The following SP5 variants were observed in gnomAD, a reference collection of about 807,000 sequenced individuals.
SP5 encodes the protein Sp5 transcription factor.
In SP5, 12 loss-of-function variants were observed where a neutral mutation model predicts 27.4. The ratio of observed to expected loss-of-function variants is 0.44; its 90% CI spans 0.28 to 0.71. The LOEUF is 0.71. SP5 is among the 30% of genes least tolerant of loss of function. The pLI is 0.15. For synonymous variants in SP5, 330 were observed against 290.7 expected (o/e 1.14, Z -1.38); for missense variants, 660 against 589.8 (o/e 1.12, Z -1.23).
chr2:170,715,590 G>A (rs755918246), intron 1 of SP5, 27 bp downstream of exon 1: 2 of 1,546,908 alleles, frequency 1.3e-6, no homozygotes, highest in Admixed American at 4.0e-5. Flanking sequence ...GAGGGGGCGG[G>A]AGAAAGGTGG....
intron 1 of SP5, 135 bp from the exon 2 acceptor site, chr2:170,716,124 T>C: frequency 1.7e-6 from 2 of 1,203,300 alleles, no homozygotes; most frequent in Non-Finnish European, 2.2e-6. Context: ...TGGGGTGCGG[T>C]GGCGGGGGAG....
Position 170,717,200 on chromosome 2 carries a change from C to G in SP5, c.993C>G (p.Leu331=). The part of the protein sequence containing the change: ...TGERPFVCNW[L]FCGKSFTRSD... Reference sequence around the variant, plus strand: ...AGCGACCCTTCGTGTGCAACTGGCTCTTCTGCGGGAAGAGCTTCACGCGCT... The same window carrying G: ...AGCGACCCTTCGTGTGCAACTGGCTGTTCTGCGGGAAGAGCTTCACGCGCT... Residue 331 remains leucine, a synonymous_variant, in exon 2 of 2, where the codon CTC becomes CTG. Coordinates refer to ENST00000375281, the MANE Select transcript of SP5 (RefSeq NM_001003845.3). The G allele has an allele frequency of 6.2e-7, 1 of 1,608,888 alleles. No homozygotes were observed. Among genetic ancestry groups the G allele is most frequent in the Non-Finnish European group, 8.5e-7 (1 of 1,178,618 alleles).
Position 170,716,449 on chromosome 2 carries a change from C to T in SP5, c.242C>T (p.Ser81Leu). Residue 81 changes from serine to leucine, a missense_variant, in exon 2 of 2, where the codon TCG becomes TTG. Physicochemically the swap from Ser to Leu is moderately radical, Grantham distance 145 (BLOSUM62 -2). Coordinates refer to ENST00000375281, the MANE Select transcript of SP5 (RefSeq NM_001003845.3). ...HPWTADMPAH[S>L]PGALPPPHPS... ...TGGACCGCCGACATGCCGGCGCACTCGCCAGGCGCACTGCCGCCCCCGCAT... is the reference window on the plus strand; with the variant it reads ...TGGACCGCCGACATGCCGGCGCACTTGCCAGGCGCACTGCCGCCCCCGCAT... The T allele has an allele frequency of 3.1e-6, 5 of 1,604,610 alleles. No individual in the cohort carries two copies. The highest frequency in any genetic ancestry group is 3.4e-6 in the Non-Finnish European group (4 of 1,178,920).
rs779874563 is a variant in SP5, at chr2:170,716,973, G to A, written c.766G>A (p.Ala256Thr). ...TGCGCAGTACCAGAGCCAGATCGCC[G>A]CGCTGCTGCAGACCAAGGCCCCCCT... Reference protein sequence around the residue: ...DFAQYQSQIAALLQTKAPLAA... With the variant: ...DFAQYQSQIATLLQTKAPLAA... The change falls in exon 2 of 2, where the codon GCG becomes ACG. Residue 256 changes from alanine to threonine, a missense_variant. By Grantham distance (58) the Ala-to-Thr change is moderately conservative. Coordinates refer to ENST00000375281, the MANE Select transcript of SP5 (RefSeq NM_001003845.3). 6.5e-7 allele frequency: 1 copy of A among 1,547,754 alleles called. No homozygotes were observed. Among genetic ancestry groups the A allele is most frequent in the South Asian group, 1.2e-5 (1 of 83,968 alleles).
chr2:170,716,660 G>T lies in SP5; in HGVS notation c.453G>T (p.Ala151=), dbSNP rs755425806. The stretch of plus-strand genomic sequence containing the variant: ...CGCCCGCCTACGTGCCCTACGCGGC[G>T]CAGGCCGCGCTGCCGCCAGGCTACT... ...SCAPAYVPYA[A]QAALPPGYSN... Residue 151 remains alanine, a synonymous_variant, in exon 2 of 2, where the codon GCG becomes GCT. Coordinates refer to ENST00000375281, the MANE Select transcript of SP5 (RefSeq NM_001003845.3). 6.3e-7 allele frequency: 1 copy of T among 1,599,934 alleles called. No homozygotes were observed. The highest frequency in any genetic ancestry group is 1.4e-5 in the African/African-American group (1 of 73,756).
Position 170,716,888 on chromosome 2 carries a change from C to T in SP5, c.681C>T (p.Ala227=). ...PHAPRFPASA[A]AAAAAAAALQ... is the part of the protein sequence containing the mutation. The stretch of plus-strand genomic sequence containing the variant: ...CGCCCCGCTTCCCCGCCTCTGCGGC[C>T]GCTGCTGCTGCGGCCGCCGCCGCCC... The change falls in exon 2 of 2, where the codon GCC becomes GCT. Residue 227 remains alanine (A), a synonymous_variant. Transcript: ENST00000375281. 1.3e-6 allele frequency: 2 copies of T among 1,505,754 alleles called. No individual in the cohort carries two copies. The highest frequency in any genetic ancestry group is 1.8e-6 in the Non-Finnish European group (2 of 1,129,556). The allele number at this position is 1,505,754 out of a possible 1,614,324, so 93.3% of individuals were successfully genotyped here.
intron 1 of SP5, 81 bp from the exon 2 acceptor site, chr2:170,716,178 T>G: frequency 6.7e-7 from 1 of 1,491,278 alleles, no homozygotes; most frequent in Non-Finnish European, 8.8e-7. Flanking sequence ...ATAGCGGGCG[T>G]GGGGGCGGCG....
chr2:170,716,525 G>T lies in SP5; in HGVS notation c.318G>T (p.Gly106=), dbSNP rs768375159. 3 of 1,611,050 alleles carry T rather than the reference G, an allele frequency of 1.9e-6. No homozygotes were observed. The highest frequency in any genetic ancestry group is 2.5e-6 in the Non-Finnish European group (3 of 1,179,392). ...AGACGCACCTGCAGCCGTCCTTCGG[G>T]GCTGCGCACGAGCTTCCCCTTACAC... is the stretch of plus-strand genomic sequence containing the variant. ...PQKTHLQPSF[G]AAHELPLTPP... Residue 106 remains glycine (G), a synonymous_variant, in exon 2 of 2, where the codon GGG becomes GGT. Transcript: ENST00000375281.
At chr2:170,715,898 G>A (rs921037744) in intron 1 of SP5, 3 of 1,332,330 alleles carry the variant, frequency 2.3e-6, no homozygotes, top group Non-Finnish European at 2.9e-6. Context: ...GGGAGGGAGA[G>A]CGGCCGGCCG....
Position 170,716,535 on chromosome 2 carries a change from G to T in SP5, c.328G>T (p.Glu110Ter). 3 of 1,611,224 alleles carry T rather than the reference G, an allele frequency of 1.9e-6. No individual in the cohort carries two copies. The highest frequency in any genetic ancestry group is 1.7e-6 in the Non-Finnish European group (2 of 1,179,384). The change falls in exon 2 of 2, where the codon GAG becomes TAG. Residue 110 changes from glutamate (E) to a stop codon, truncating the protein, a stop_gained. Coordinates refer to ENST00000375281, the MANE Select transcript of SP5 (RefSeq NM_001003845.3). LOFTEE classifies it high-confidence loss of function. ...HLQPSFGAAH[E>*]LPLTPPADPS... is the part of the protein sequence containing the mutation. ...GCAGCCGTCCTTCGGGGCTGCGCACGAGCTTCCCCTTACACCCCCCGCCGA... is the reference window on the plus strand; with the variant it reads ...GCAGCCGTCCTTCGGGGCTGCGCACTAGCTTCCCCTTACACCCCCCGCCGA...
Position 170,717,013 on chromosome 2 carries a change from G to A in SP5, c.806G>A (p.Arg269Lys), listed in dbSNP as rs1303115666. Residue 269 changes from arginine to lysine, a missense_variant, in exon 2 of 2, where the codon AGG becomes AAG. Arg to Lys is a conservative substitution (Grantham distance 26). Transcript: ENST00000375281. Reference sequence around the variant, plus strand: ...AAGGCCCCCCTGGCGGCCACGGCCAGGAGGTGCCGCCGCTGCCGCTGTCCC... The same window carrying A: ...AAGGCCCCCCTGGCGGCCACGGCCAAGAGGTGCCGCCGCTGCCGCTGTCCC... ...QTKAPLAATA[R>K]RCRRCRCPNC... The A allele has an allele frequency of 2.6e-6, 4 of 1,547,204 alleles. No individual in the cohort carries two copies. The highest frequency in any genetic ancestry group is 3.9e-5 in the Admixed American group (2 of 50,918).
rs1700083852 is a variant in SP5, at chr2:170,716,952, C to T, written c.745C>T (p.Gln249Ter). The T allele has an allele frequency of 1.9e-6, 3 of 1,547,526 alleles. No individual in the cohort carries two copies. Among genetic ancestry groups the T allele is most frequent in the Non-Finnish European group, 8.7e-7 (1 of 1,146,368 alleles). Residue 249 changes from glutamine to a stop codon, truncating the protein, a stop_gained, in exon 2 of 2, where the codon CAG becomes TAG. Coordinates refer to ENST00000375281, the MANE Select transcript of SP5 (RefSeq NM_001003845.3). LOFTEE classifies it high-confidence loss of function. ...GGTGTTGGGCCCGTCGGACTTTGCG[C>T]AGTACCAGAGCCAGATCGCCGCGCT... The part of the protein sequence containing the change: ...GLVLGPSDFA[Q>*]YQSQIAALLQ...
Position 170,716,686 on chromosome 2 carries a change from C to G in SP5, c.479C>G (p.Ser160Cys), listed in dbSNP as rs775177966. ...AAQAALPPGY[S>C]NLLPPPPPPP... is the part of the protein sequence containing the mutation. Reference sequence around the variant, plus strand: ...CAGGCCGCGCTGCCGCCAGGCTACTCCAACCTGCTGCCTCCGCCGCCGCCA... The same window carrying G: ...CAGGCCGCGCTGCCGCCAGGCTACTGCAACCTGCTGCCTCCGCCGCCGCCA... Residue 160 changes from serine (S) to cysteine (C), a missense_variant, in exon 2 of 2, where the codon TCC becomes TGC. Ser to Cys is a moderately radical substitution (Grantham distance 112, BLOSUM62 -1). Coordinates refer to ENST00000375281, the MANE Select transcript of SP5 (RefSeq NM_001003845.3). 5 of 1,570,394 alleles carry G rather than the reference C, an allele frequency of 3.2e-6. No individual in the cohort carries two copies. The highest frequency in any genetic ancestry group is 4.3e-6 in the Non-Finnish European group (5 of 1,165,718).
In SP5 at chr2:170,716,975, G is replaced by C; in HGVS notation, c.768G>C (p.Ala256=). The C allele has an allele frequency of 6.5e-7, 1 of 1,547,808 alleles. No homozygotes were observed. The part of the protein sequence containing the change: ...DFAQYQSQIA[A]LLQTKAPLAA... ...CGCAGTACCAGAGCCAGATCGCCGC[G>C]CTGCTGCAGACCAAGGCCCCCCTGG... The change falls in exon 2 of 2, where the codon GCG becomes GCC. Residue 256 remains alanine (A), a synonymous_variant. Coordinates refer to ENST00000375281, the MANE Select transcript of SP5 (RefSeq NM_001003845.3).
Position 170,716,959 on chromosome 2 carries a change from A to G in SP5, c.752A>G (p.Gln251Arg), listed in dbSNP as rs1435270142. Residue 251 changes from glutamine to arginine, a missense_variant, in exon 2 of 2, where the codon CAG (glutamine) becomes CGG (arginine). Physicochemically the swap from Gln to Arg is conservative, Grantham distance 43. Coordinates refer to ENST00000375281, the MANE Select transcript of SP5 (RefSeq NM_001003845.3). ...VLGPSDFAQYQSQIAALLQTK... is the reference protein window; with the variant it reads ...VLGPSDFAQYRSQIAALLQTK... ...GGCCCGTCGGACTTTGCGCAGTACC[A>G]GAGCCAGATCGCCGCGCTGCTGCAG... 1.3e-6 allele frequency: 2 copies of G among 1,547,722 alleles called. No homozygotes were observed. The highest frequency in any genetic ancestry group is 2.4e-5 in the East Asian group (1 of 40,844).
At position 170,717,475 on chromosome 2, in the gene SP5, A is replaced by AG; in HGVS notation, c.*75dup. ...CCGGGGACCTGTGGGCAGCTGGCGG[A>AG]GGGGAGACTCAGCAGACGGACCCTC... On this transcript the variant is annotated 3_prime_UTR_variant, in exon 2 of 2. Coordinates refer to ENST00000375281, the MANE Select transcript of SP5 (RefSeq NM_001003845.3). 2 of 1,564,104 alleles carry AG rather than the reference A, an allele frequency of 1.3e-6. No homozygotes were observed. Among genetic ancestry groups the AG allele is most frequent in the South Asian group, 1.2e-5 (1 of 86,488 alleles).
chr2:170,715,381 G>T lies in SP5; in HGVS notation c.-132G>T. 1 of 1,256,418 alleles carries T rather than the reference G, an allele frequency of 8.0e-7. No homozygotes were observed. The highest frequency in any genetic ancestry group is 1.0e-6 in the Non-Finnish European group (1 of 955,660). The allele number at this position is 1,256,418 out of a possible 1,614,324, so 77.8% of individuals were successfully genotyped here. A position where few individuals can be genotyped will look rare whatever the true frequency, so the allele number is the denominator to read the frequency against. ...CGAGCGGGGCGCGGCGAGGGGCAAG[G>T]GCGGGGAGGGCCCCGGCGCTCAGAG... On this transcript the variant is annotated 5_prime_UTR_variant, in exon 1 of 2. Transcript: ENST00000375281.
At position 170,717,021 on chromosome 2, in the gene SP5, C is replaced by G. The variant is rs565111284; in HGVS notation, c.814C>G (p.Arg272Gly). The stretch of plus-strand genomic sequence containing the variant: ...CCTGGCGGCCACGGCCAGGAGGTGC[C>G]GCCGCTGCCGCTGTCCCAACTGCCA... Reference protein sequence around the residue: ...APLAATARRCRRCRCPNCQAA... With the variant: ...APLAATARRCGRCRCPNCQAA... Residue 272 changes from arginine (R) to glycine (G), a missense_variant, in exon 2 of 2, where the codon CGC (arginine) becomes GGC (glycine). Arg to Gly is a moderately radical substitution (Grantham distance 125). Coordinates refer to ENST00000375281, the MANE Select transcript of SP5 (RefSeq NM_001003845.3). The G allele has an allele frequency of 2.6e-5, 41 of 1,547,202 alleles. No homozygotes were observed. In the East Asian group the frequency reaches 9.8e-4, roughly 37 times the overall value.
rs1164063815 is a variant in SP5, at chr2:170,717,395, G to A, written c.1188G>A (p.Arg396=). 2.5e-6 allele frequency: 4 copies of A among 1,610,580 alleles called. No individual in the cohort carries two copies. In the African/African-American group the frequency reaches 4.0e-5, roughly 16 times the overall value. The change falls in exon 2 of 2, where the codon CGG becomes CGA. Residue 396 remains arginine, a synonymous_variant. Transcript: ENST00000375281. ...CCGGGGTTAAGCGGGAGGACGCGCG[G>A]GACCTGTGAGCCCTCCCGGAGGTGG... ...AEAGVKREDA[R]DL
Sources: gnomAD v4.1 joint callset for allele counts on GRCh38, gnomAD v4.1.1 for gene constraint, MANE v1.5 for transcripts, NCBI Gene and HGNC (gene_info 2026-07-23, HGNC 2026-07-21) for gene names.